SPRR2F: variants seen among roughly 807,000 people sequenced by gnomAD.
SPRR2F encodes the protein small proline-rich protein 2F.
A neutral mutation model predicts 0.8 loss-of-function variants in SPRR2F; 2 were observed. The ratio of observed to expected loss-of-function variants is 2.52; its 90% CI spans 1.03 to 7.95. The LOEUF is 7.95. Ranked by LOEUF, SPRR2F falls within the 30% of genes most tolerant of loss-of-function variation. The pLI, the probability that SPRR2F is intolerant of heterozygous loss-of-function variation, is 0.04. For synonymous variants in SPRR2F, 39 were observed against 33.4 expected (o/e 1.17, Z -0.58); for missense variants, 80 against 85.8 (o/e 0.93, Z 0.27).
At chr1:153,114,251 G>A (rs1388904598), upstream of SPRR2F, among the ~76,000 whole-genome samples, 5 of 151,902 alleles carry the variant, frequency 3.3e-5, no homozygotes, top group East Asian at 9.6e-4. Flanking sequence ...AATTTGTACA[G>A]GCAATTGTCA....
upstream of SPRR2F, among the ~76,000 whole-genome samples, chr1:153,117,578 T>C (rs1201782996): frequency 6.6e-6 from 1 of 152,078 alleles, no homozygotes; most frequent in Non-Finnish European, 1.5e-5. Context: ...AGGAACTGAA[T>C]CATTCATTAG....
chr1:153,115,849 C>T (rs1244225357), upstream of SPRR2F, among the ~76,000 whole-genome samples: 1 of 152,166 alleles, frequency 6.6e-6, no homozygotes, highest in Non-Finnish European at 1.5e-5. Context: ...AGGTCCATTT[C>T]TCCTACTTTT....
intron 1 of SPRR2F, 126 bp from the exon 2 acceptor site, chr1:153,112,878 CT>C: frequency 7.0e-7 from 1 of 1,432,612 alleles, no homozygotes; most frequent in South Asian, 1.4e-5. Flanking sequence ...TCTTAATTCC[CT>C]TTTCAAGAGT....
rs763048691 is a variant in SPRR2F, at chr1:153,112,626, G to A, written c.108C>T (p.Cys36=). The change falls in exon 2 of 2, where the codon TGC becomes TGT. Residue 36 remains cysteine (C), a synonymous_variant. Transcript: ENST00000468739. Reference sequence around the variant, plus strand: ...AGGACTGTGGACACTTTGATGGTGGGCAGGGCTCAGGGCACTTCGGGGGTG... The same window carrying A: ...AGGACTGTGGACACTTTGATGGTGGACAGGGCTCAGGGCACTTCGGGGGTG... ...PCPPPKCPEP[C]PPSKCPQSCP... The A allele has an allele frequency of 6.2e-7, 1 of 1,612,680 alleles. No individual in the cohort carries two copies. The highest frequency in any genetic ancestry group is 1.3e-5 in the African/African-American group (1 of 74,980).
chr1:153,115,136 C>A (rs1655697639), upstream of SPRR2F, among the ~76,000 whole-genome samples: 1 of 152,104 alleles, frequency 6.6e-6, no homozygotes, highest in South Asian at 2.1e-4. Context: ...GGGGCAAGAT[C>A]ACTACTGGCC....
At chr1:153,115,406 G>C (rs1295075805), upstream of SPRR2F, among the ~76,000 whole-genome samples, 1 of 152,162 alleles carries the variant, frequency 6.6e-6, no homozygotes, top group Non-Finnish European at 1.5e-5. Flanking sequence ...CACTGTGTAA[G>C]ATAATACAGT....
chr1:153,116,019 C>A (rs1655716383), upstream of SPRR2F, among the ~76,000 whole-genome samples: 1 of 152,120 alleles, frequency 6.6e-6, no homozygotes, highest in Non-Finnish European at 1.5e-5. Context: ...ATAGTCCTGG[C>A]AAATTAATAT....
At chr1:153,115,629 C>A (rs1480434451), upstream of SPRR2F, among the ~76,000 whole-genome samples, 1 of 152,124 alleles carries the variant, frequency 6.6e-6, no homozygotes, top group Non-Finnish European at 1.5e-5. Flanking sequence ...ACAGTCACAG[C>A]TTCCCCAAGT....
At chr1:153,117,531 G>T (rs1655741396), upstream of SPRR2F, among the ~76,000 whole-genome samples, 1 of 151,828 alleles carries the variant, frequency 6.6e-6, no homozygotes, top group African/African-American at 2.4e-5. Flanking sequence ...ATTTATTCTG[G>T]TGGCAGATTA....
intron 1 of SPRR2F, among the ~76,000 whole-genome samples, chr1:153,113,041 A>G (rs1655637004): frequency 6.6e-6 from 1 of 152,150 alleles, no homozygotes. Context: ...AAAGGCAGTC[A>G]CAAGTTCAGA....
At chr1:153,115,891 TA>T (rs1278149112), upstream of SPRR2F, among the ~76,000 whole-genome samples, 2 of 152,216 alleles carry the variant, frequency 1.3e-5, no homozygotes, top group Admixed American at 1.3e-4. Flanking sequence ...TTATTAAGTT[TA>T]AATCATTACT....
chr1:153,114,115 ACCGCATTGTG>A (rs1655669543), upstream of SPRR2F, among the ~76,000 whole-genome samples: 1 of 145,234 alleles, frequency 6.9e-6, no homozygotes, highest in African/African-American at 2.6e-5. Context: ...ATGGGAGCTG[ACCGCATTGTG>A]CCATCTGCTG....
upstream of SPRR2F, among the ~76,000 whole-genome samples, chr1:153,116,829 G>C (rs766603774): frequency 2.4e-4 from 37 of 152,036 alleles, no homozygotes; most frequent in Non-Finnish European, 5.1e-4. Context: ...CATAAAATTT[G>C]TCCGATTATG....
rs755630970 is a variant in SPRR2F at position 153,112,759 on chromosome 1, G to A, written c.-19-7C>T. On this transcript the variant is annotated splice_polypyrimidine_tract_variant and splice_region_variant and intron_variant, in intron 1 of 1. Coordinates refer to ENST00000468739, the MANE Select transcript of SPRR2F (RefSeq NM_001014450.3). ...CCTGCTGGAGTCTCAGAATCTGAAA[G>A]AAATTATATGACAGTGTTCACGGGA... 1 of 1,610,660 alleles carries A rather than the reference G, an allele frequency of 6.2e-7. No homozygotes were observed. Among genetic ancestry groups the A allele is most frequent in the Non-Finnish European group, 8.5e-7 (1 of 1,179,832 alleles).
intron 1 of SPRR2F, 34 bp from the exon 2 acceptor site, chr1:153,112,786 G>T (rs1655630528): frequency 4.4e-6 from 7 of 1,607,990 alleles, no homozygotes; most frequent in Non-Finnish European, 5.1e-6. Context: ...TTCACGGGAA[G>T]GGAATCCTCC....
upstream of SPRR2F, among the ~76,000 whole-genome samples, chr1:153,116,763 G>C (rs1244637973): frequency 6.6e-6 from 1 of 151,852 alleles, no homozygotes; most frequent in Non-Finnish European, 1.5e-5. Context: ...ATCATACCAG[G>C]GTAAAAACAT....
upstream of SPRR2F, among the ~76,000 whole-genome samples, chr1:153,115,480 C>A (rs1182998385): frequency 6.6e-6 from 1 of 152,172 alleles, no homozygotes; most frequent in Non-Finnish European, 1.5e-5. Context: ...TTTATCACAG[C>A]AGTGCAGGCA....
Position 153,112,519 on chromosome 1 carries a change from T to G in SPRR2F, c.215A>C (p.Lys72Thr), listed in dbSNP as rs1383228171. 6.2e-7 allele frequency: 1 copy of G among 1,611,596 alleles called. No homozygotes were observed. The highest frequency in any genetic ancestry group is 8.5e-7 in the Non-Finnish European group (1 of 1,179,298). ...TCCTGATGAATCCTGAAGCTGTTAC[T>G]TGCTCTTGGGTGGACACTTTGGCTG... The part of the protein sequence containing the change: ...PCQPKCPPKS[K>T] The change falls in exon 2 of 2, where the codon AAG becomes ACG. Residue 72 changes from lysine (K) to threonine (T), a missense_variant. Lys to Thr is a moderately conservative substitution (Grantham distance 78). Transcript: ENST00000468739.
chr1:153,115,240 G>A (rs140431075), upstream of SPRR2F, among the ~76,000 whole-genome samples: 34 of 152,216 alleles, frequency 2.2e-4, no homozygotes, highest in African/African-American at 7.9e-4. Flanking sequence ...AGACTATTAC[G>A]CATGCTAAGC....
Sources: allele counts gnomAD v4.1 joint callset (sites outside exome capture counted in the v4.1 genomes callset), GRCh38; gene constraint gnomAD v4.1.1; transcripts MANE v1.5; gene names NCBI Gene and HGNC (gene_info 2026-07-23, HGNC 2026-07-21).